Variants in CDK8 observed in about 807,000 individuals in gnomAD.
The protein encoded by CDK8 is cyclin dependent kinase 8.
In CDK8, 29 loss-of-function variants were observed where a neutral mutation model predicts 71.5. The observed-to-expected ratio is 0.41, with a 90% CI of 0.30 to 0.55. The LOEUF (loss-of-function observed/expected upper bound fraction) is 0.55. Among genes scored for constraint, CDK8 ranks in the 20% least tolerant of loss-of-function variants. CDK8 has a pLI of 0.37. For missense variants in CDK8, 288 were observed against 572.6 expected (o/e 0.50, Z 5.07); for synonymous variants, 161 against 192.1 (o/e 0.84, Z 1.34).
At position 26,285,715 on chromosome 13, in the gene CDK8, A is replaced by G. The variant is rs138388628; in HGVS notation, c.128+30946A>G. 8.0e-3 allele frequency among the ~76,000 whole-genome samples: 1,216 copies of G among 152,282 alleles called. 26 individuals are homozygous for G. The highest frequency in any genetic ancestry group is 0.026 in the African/African-American group (1,094 of 41,538). The stretch of plus-strand genomic sequence containing the variant: ...CAAAGTCAAACTGTCACTGTTCACC[A>G]ATGATATGATCATATACCTAGAAAA... On this transcript the variant is annotated intron_variant, in intron 1 of 12. Transcript: ENST00000381527.
At chr13:26,400,962 T>C (rs1281289358) in intron 10 of CDK8, among the ~76,000 whole-genome samples, 1 of 151,972 alleles carries the variant, frequency 6.6e-6, no homozygotes, top group Non-Finnish European at 1.5e-5. Context: ...TGGTGACACA[T>C]ACTTCAGCTA....
In CDK8 at chr13:26,289,451, ATTGT is replaced by A. The variant is rs558787849; in HGVS notation, c.128+34688_128+34691del. On this transcript the variant is annotated intron_variant, in intron 1 of 12. Coordinates refer to ENST00000381527, the MANE Select transcript of CDK8 (RefSeq NM_001260.3). Reference sequence around the variant, plus strand: ...TTTTGATATCCTACTGTAAATTTATATTGTTTGTTACTTTAATTTTCTATGTGTT... The same window carrying A: ...TTTTGATATCCTACTGTAAATTTATATTGTTACTTTAATTTTCTATGTGTT... 5.5e-4 allele frequency among the ~76,000 whole-genome samples: 83 copies of A among 152,268 alleles called. 1 individual carries two copies. Among genetic ancestry groups the A allele is most frequent in the South Asian group, 5.2e-3 (25 of 4,826 alleles).
chr13:26,257,854 C>T (rs1871591538), intron 1 of CDK8, among the ~76,000 whole-genome samples: 1 of 151,362 alleles, frequency 6.6e-6, no homozygotes, highest in South Asian at 2.1e-4. Context: ...AATCTATGTT[C>T]CAAAGAATAG....
At chr13:26,343,986 A>ATC (rs1047095453) in intron 2 of CDK8, among the ~76,000 whole-genome samples, 163 of 152,128 alleles carry the variant, frequency 1.1e-3, no homozygotes, top group African/African-American at 3.5e-3. Flanking sequence ...TGTGGGAATG[A>ATC]TCTCATCACC....
intron 6 of CDK8, among the ~76,000 whole-genome samples, chr13:26,389,425 G>A (rs1347833935): frequency 2.0e-5 from 3 of 151,992 alleles, no homozygotes; most frequent in African/African-American, 7.2e-5. Flanking sequence ...CTCCCAAAGT[G>A]CTGGGATTAC....
chr13:26,332,039 T>G (rs2137964612), intron 1 of CDK8, among the ~76,000 whole-genome samples: 1 of 152,312 alleles, frequency 6.6e-6, no homozygotes, highest in Middle Eastern at 3.4e-3. Flanking sequence ...CCTAGTTAGA[T>G]TTACTCCTGG....
At chr13:26,258,652 C>CTTATA (rs963428774) in intron 1 of CDK8, among the ~76,000 whole-genome samples, 14 of 151,960 alleles carry the variant, frequency 9.2e-5, no homozygotes, top group Admixed American at 9.2e-4. Context: ...GTCATTTGCC[C>CTTATA]TTATAGCTCT....
chr13:26,275,073 T>G (rs1005644107), intron 1 of CDK8, among the ~76,000 whole-genome samples: 1 of 152,218 alleles, frequency 6.6e-6, no homozygotes, highest in African/African-American at 2.4e-5. Context: ...AAATGCTGCT[T>G]TTATCATTAC....
At chr13:26,257,558 C>T (rs2137847278) in intron 1 of CDK8, among the ~76,000 whole-genome samples, 1 of 152,164 alleles carries the variant, frequency 6.6e-6, no homozygotes, top group East Asian at 1.9e-4. Context: ...AGATAGTGTC[C>T]TTTGTGTCTG....
At chr13:26,320,569 CTA>C (rs1483147662) in intron 1 of CDK8, among the ~76,000 whole-genome samples, 1 of 152,062 alleles carries the variant, frequency 6.6e-6, no homozygotes, top group African/African-American at 2.4e-5. Flanking sequence ...TCAAAAGACA[CTA>C]TCAACACAGT....
Position 26,398,282 on chromosome 13 carries a change from C to G in CDK8, c.933+1057C>G, listed in dbSNP as rs138160244. 7.9e-5 allele frequency among the ~76,000 whole-genome samples: 12 copies of G among 152,168 alleles called. No homozygotes were observed. The East Asian group carries it at 1.9e-3, about 24-fold the overall frequency. ...CCAAATTAGAGGTCTAAGTTAGATC[C>G]TTCGAAATTATGGACTTACTGATTC... is the stretch of plus-strand genomic sequence containing the variant. On this transcript the variant is annotated intron_variant, in intron 9 of 12. Coordinates refer to ENST00000381527, the MANE Select transcript of CDK8 (RefSeq NM_001260.3).
intron 1 of CDK8, among the ~76,000 whole-genome samples, chr13:26,284,789 T>C (rs148281610): frequency 2.7e-5 from 4 of 149,760 alleles, no homozygotes; most frequent in Admixed American, 6.7e-5. Context: ...ATCACCCTAA[T>C]ACCAAAATCA....
At chr13:26,376,617 A>G (rs1195220866) in intron 4 of CDK8, among the ~76,000 whole-genome samples, 2 of 152,194 alleles carry the variant, frequency 1.3e-5, no homozygotes, top group Non-Finnish European at 2.9e-5. Flanking sequence ...AGGAAGTAAT[A>G]TTGCCTGTGC....
chr13:26,262,104 T>A (rs747341526), intron 1 of CDK8, among the ~76,000 whole-genome samples: 6 of 152,248 alleles, frequency 3.9e-5, no homozygotes, highest in Admixed American at 2.6e-4. Flanking sequence ...AATGCTTTTT[T>A]CTCAGTTGAA....
intron 1 of CDK8, among the ~76,000 whole-genome samples, chr13:26,319,094 A>G (rs1008832455): frequency 6.6e-6 from 1 of 152,258 alleles, no homozygotes; most frequent in African/African-American, 2.4e-5. Context: ...TGAGTATACA[A>G]AAATCAGTTG....
intron 4 of CDK8, among the ~76,000 whole-genome samples, chr13:26,374,031 AAAAAAAC>A (rs1199555805): frequency 3.0e-5 from 4 of 135,486 alleles, no homozygotes; most frequent in East Asian, 4.3e-4. Flanking sequence ...AAAAAAAAAA[AAAAAAAC>A]AAAAAACAAA....
At chr13:26,317,065 G>GAGAA (rs1874543607) in intron 1 of CDK8, among the ~76,000 whole-genome samples, 1 of 152,138 alleles carries the variant, frequency 6.6e-6, no homozygotes, top group Non-Finnish European at 1.5e-5. Flanking sequence ...GGAACAGAAA[G>GAGAA]AGAAAGGGTT....
chr13:26,353,472 T>A (rs565987532), intron 3 of CDK8, among the ~76,000 whole-genome samples: 2 of 152,282 alleles, frequency 1.3e-5, no homozygotes, highest in South Asian at 2.1e-4. Flanking sequence ...TTTTTAATTA[T>A]GCTTTAAAAA....
At chr13:26,263,504 C>T (rs990697980) in intron 1 of CDK8, among the ~76,000 whole-genome samples, 25 of 151,538 alleles carry the variant, frequency 1.6e-4, no homozygotes, top group Admixed American at 7.2e-4. Context: ...TGCGATGGCA[C>T]GATCTTGGCT....
Sources: allele counts gnomAD v4.1 joint callset (sites outside exome capture counted in the v4.1 genomes callset), GRCh38; gene constraint gnomAD v4.1.1; transcripts MANE v1.5; gene names NCBI Gene and HGNC (gene_info 2026-07-23, HGNC 2026-07-21).